The following SUSD1 variants were observed in gnomAD, a reference collection of about 807,000 sequenced individuals.
The protein encoded by SUSD1 is sushi domain containing 1, also known as sushi domain-containing protein 1.
In SUSD1, 65 loss-of-function variants were observed where a neutral mutation model predicts 86.9. The observed-to-expected ratio is 0.75, with a 90% CI of 0.61 to 0.92. The LOEUF (loss-of-function observed/expected upper bound fraction) is 0.92. Ranked by LOEUF, SUSD1 falls within the 40% of genes least tolerant of loss-of-function variation. The pLI is 0.00. For synonymous variants in SUSD1, 346 were observed against 350.0 expected, an observed-to-expected ratio of 0.99 and a Z score of 0.13; for missense variants, 850 against 929.7, an observed-to-expected ratio of 0.91 and a Z score of 1.11.
At chr9:112,165,792 GAA>G (rs1320901453) in intron 1 of SUSD1, among the ~76,000 whole-genome samples, 3 of 141,904 alleles carry the variant, frequency 2.1e-5, no homozygotes, top group African/African-American at 7.9e-5. Flanking sequence ...AAAAAGAAAG[GAA>G]AGAGAGAAAG....
At chr9:112,101,399 T>C (rs1024073868) in intron 9 of SUSD1, among the ~76,000 whole-genome samples, 1 of 152,162 alleles carries the variant, frequency 6.6e-6, no homozygotes, top group Non-Finnish European at 1.5e-5. Flanking sequence ...TAATACTTAC[T>C]GAGTTTGCTC....
intron 11 of SUSD1, among the ~76,000 whole-genome samples, chr9:112,079,547 A>C (rs1475948337): frequency 6.7e-6 from 1 of 148,264 alleles, no homozygotes; most frequent in Non-Finnish European, 1.5e-5. Context: ...GCCAAGAGAC[A>C]CCCTTTTGTT....
Position 112,142,432 on chromosome 9 carries a change from C to T in SUSD1, c.594G>A (p.Leu198=), listed in dbSNP as rs3780513. Residue 198 remains leucine, a synonymous_variant, in exon 5 of 17, where the codon CTG becomes CTA. Coordinates refer to ENST00000374270, the MANE Select transcript of SUSD1 (RefSeq NM_022486.5). ...TGCAAGCATAACGAACCTGGCTGCC[C>T]AGACTAGACGTATAATTTCCTATGA... ...GYIIGNYTSS[L]GSQVRYACRE... is the part of the protein sequence containing the mutation. 21,618 of 1,613,972 alleles carry T rather than the reference C, an allele frequency of 0.013. 1,426 individuals are homozygous for T. In the Admixed American group the frequency reaches 0.16, roughly 12 times the overall value.
chr9:112,171,610 C>A (rs947930759), intron 1 of SUSD1, among the ~76,000 whole-genome samples: 2 of 152,148 alleles, frequency 1.3e-5, no homozygotes, highest in Non-Finnish European at 2.9e-5. Flanking sequence ...GAATAGCACT[C>A]ATTAAGTAGC....
At chr9:112,129,237 G>A (rs1012207302) in intron 5 of SUSD1, among the ~76,000 whole-genome samples, 5 of 152,006 alleles carry the variant, frequency 3.3e-5, no homozygotes, top group South Asian at 2.1e-4. Context: ...GAGAAGGGGG[G>A]TGGAATAAAG....
intron 8 of SUSD1, among the ~76,000 whole-genome samples, chr9:112,109,613 G>A (rs968177386): frequency 6.6e-6 from 1 of 152,020 alleles, no homozygotes; most frequent in Non-Finnish European, 1.5e-5. Context: ...ATGCAAAACC[G>A]GATCTGCCTG....
At chr9:112,124,147 C>T in intron 6 of SUSD1, 110 bp downstream of exon 6, 9 of 1,071,010 alleles carry the variant, frequency 8.4e-6, no homozygotes, top group Non-Finnish European at 1.0e-5. Flanking sequence ...GGTAAATAGC[C>T]GAGCTGGGTA....
chr9:112,086,563 AG>A (rs879701578), intron 10 of SUSD1, among the ~76,000 whole-genome samples: 33,494 of 123,980 alleles, frequency 0.27, 4,504 homozygotes, highest in Non-Finnish European at 0.31. Context: ...AGAAAGAAAG[AG>A]AGAGAGAGAG....
Position 112,102,231 on chromosome 9 carries a change from G to A in SUSD1, c.1226C>T (p.Thr409Ile), listed in dbSNP as rs767751867. Reference sequence around the variant, plus strand: ...AGAACGCCTGTTCAATTTCAAACAAGTTTCATTAAATATTGAAATATTGAA... The same window carrying A: ...AGAACGCCTGTTCAATTTCAAACAAATTTCATTAAATATTGAAATATTGAA... ...GSFNISIFNETCLKLNRRSRK... is the reference protein window; with the variant it reads ...GSFNISIFNEICLKLNRRSRK... Residue 409 changes from threonine (T) to isoleucine (I), a missense_variant, in exon 9 of 17, where the codon ACT becomes ATT. Thr to Ile is a moderately conservative substitution (Grantham distance 89). Coordinates refer to ENST00000374270, the MANE Select transcript of SUSD1 (RefSeq NM_022486.5). 1 of 1,603,506 alleles carries A rather than the reference G, an allele frequency of 6.2e-7. No homozygotes were observed. The highest frequency in any genetic ancestry group is 1.7e-5 in the Admixed American group (1 of 58,088).
chr9:112,043,766 G>A (rs746821731), intron 15 of SUSD1, among the ~76,000 whole-genome samples: 1 of 152,038 alleles, frequency 6.6e-6, no homozygotes, highest in Non-Finnish European at 1.5e-5. Flanking sequence ...GACACTTTAA[G>A]AAGCTAGATT....
At chr9:112,170,897 G>C (rs1024611407) in intron 1 of SUSD1, among the ~76,000 whole-genome samples, 1 of 152,030 alleles carries the variant, frequency 6.6e-6, no homozygotes, top group African/African-American at 2.4e-5. Flanking sequence ...ATTTTTAGTA[G>C]AGATGGGGTT....
At chr9:112,062,422 T>C (rs58442242) in intron 13 of SUSD1, among the ~76,000 whole-genome samples, 10,279 of 152,064 alleles carry the variant, frequency 0.068, 896 homozygotes, top group African/African-American at 0.2. Context: ...TGGCCGGGTG[T>C]GGTGGTTCAA....
chr9:112,134,943 G>A (rs953954795), intron 5 of SUSD1, among the ~76,000 whole-genome samples: 2 of 151,888 alleles, frequency 1.3e-5, no homozygotes, highest in African/African-American at 4.8e-5. Flanking sequence ...GCAGGCGCCT[G>A]TAATCCCAGC....
chr9:112,170,710 T>TATATATATATATATAGAGAG (rs758442726), intron 1 of SUSD1, among the ~76,000 whole-genome samples: 4 of 113,826 alleles, frequency 3.5e-5, no homozygotes, highest in African/African-American at 7.6e-5. Context: ...TATATATATA[T>TATATATATATATATAGAGAG]AGAGAGAGAG....
In SUSD1 at chr9:112,170,964, C is replaced by T. The variant is rs544900833; in HGVS notation, c.103+4169G>A. On this transcript the variant is annotated intron_variant, in intron 1 of 16. Coordinates refer to ENST00000374270, the MANE Select transcript of SUSD1 (RefSeq NM_022486.5). ...CTGACCCCAAGTGATCCACCCACCTCGGCTTCCCAAAATGTTGGGATTATA... is the reference window on the plus strand; with the variant it reads ...CTGACCCCAAGTGATCCACCCACCTTGGCTTCCCAAAATGTTGGGATTATA... 7.9e-5 allele frequency among the ~76,000 whole-genome samples: 12 copies of T among 152,236 alleles called. No homozygotes were observed. The South Asian group carries it at 1.5e-3, about 18-fold the overall frequency.
chr9:112,057,271 C>A (rs1828492756), intron 14 of SUSD1, among the ~76,000 whole-genome samples: 2 of 152,186 alleles, frequency 1.3e-5, no homozygotes, highest in Non-Finnish European at 2.9e-5. Context: ...AAATAAATGT[C>A]TGTTGCCTAA....
chr9:112,058,789 G>GT (rs974629593), intron 13 of SUSD1, 103 bp from the exon 14 acceptor site: 11 of 1,432,582 alleles, frequency 7.7e-6, no homozygotes, highest in Admixed American at 2.3e-5. Context: ...CTCTTTCTTT[G>GT]TTTTTTTGTT....
In SUSD1 at chr9:112,078,649, GGCT is replaced by G. The variant is rs768038365; in HGVS notation, c.1639_1641del (p.Ser547del). 1 of 1,613,986 alleles carries G rather than the reference GGCT, an allele frequency of 6.2e-7. No individual in the cohort carries two copies. Among genetic ancestry groups the G allele is most frequent in the East Asian group, 2.2e-5 (1 of 44,884 alleles). Reference sequence around the variant, plus strand: ...AGGTCCAAGCACACCTCGGGATCTCGGCTGCTGCTACTGATATTAAAGGTCATT... The same window carrying G: ...AGGTCCAAGCACACCTCGGGATCTCGGCTGCTACTGATATTAAAGGTCATT... On this transcript the variant is annotated inframe_deletion, in exon 12 of 17. Coordinates refer to ENST00000374270, the MANE Select transcript of SUSD1 (RefSeq NM_022486.5).
At chr9:112,077,484 CCT>C (rs1829567091) in intron 12 of SUSD1, among the ~76,000 whole-genome samples, 1 of 149,490 alleles carries the variant, frequency 6.7e-6, no homozygotes, top group Admixed American at 6.7e-5. Context: ...ATCATTGTCC[CCT>C]GATAGTAATC....
Sources: allele counts gnomAD v4.1 joint callset (sites outside exome capture counted in the v4.1 genomes callset), GRCh38; gene constraint gnomAD v4.1.1; transcripts MANE v1.5; gene names NCBI Gene and HGNC (gene_info 2026-07-23, HGNC 2026-07-21).